Variants in URB1 observed in about 807,000 individuals in gnomAD.
URB1 encodes the protein URB1 ribosome biogenesis factor, also known as nucleolar pre-ribosomal-associated protein 1.
Under a neutral mutation model 242.3 loss-of-function variants are expected in URB1, and 197 were observed. That is an observed-to-expected ratio of 0.81 (90% CI 0.72 to 0.91). URB1 has a LOEUF of 0.91. Among genes scored for constraint, URB1 ranks in the 40% least tolerant of loss-of-function variants. URB1 has a pLI of 0.00. For missense variants in URB1, 2,721 were observed against 2,860.5 expected (o/e 0.95, Z 1.11); for synonymous variants, 1,153 against 1,201.8 (o/e 0.96, Z 0.84).
chr21:32,350,463 G>C (rs1284997948), intron 20 of URB1, among the ~76,000 whole-genome samples: 1 of 152,236 alleles, frequency 6.6e-6, no homozygotes, highest in Non-Finnish European at 1.5e-5. Context: ...TTCTACTGTA[G>C]GAAGGGCTCT....
chr21:32,368,562 A>G lies in URB1; in HGVS notation c.1038T>C (p.Gly346=). Residue 346 remains glycine (G), a synonymous_variant, in exon 9 of 39, where the codon GGT becomes GGC. Coordinates refer to ENST00000382751, the MANE Select transcript of URB1 (RefSeq NM_014825.3). The part of the protein sequence containing the change: ...GNLTLLHFLL[G]LKTAADDDLV... ...GATCATCATCAGCTGCAGTTTTCAA[A>G]CCCAGCAAGAAGTGCAAGAGTGTCA... The G allele has an allele frequency of 6.4e-7, 1 of 1,551,648 alleles. No homozygotes were observed. Among genetic ancestry groups the G allele is most frequent in the Middle Eastern group, 1.7e-4 (1 of 5,986 alleles).
At chr21:32,388,194 C>T (rs2033602939) in intron 1 of URB1, among the ~76,000 whole-genome samples, 1 of 152,220 alleles carries the variant, frequency 6.6e-6, no homozygotes, top group Non-Finnish European at 1.5e-5. Flanking sequence ...TTACTAGCTG[C>T]ATGGTACTCA....
At chr21:32,330,489 GAAA>G (rs60513867) in intron 30 of URB1, among the ~76,000 whole-genome samples, 1 of 136,946 alleles carries the variant, frequency 7.3e-6, no homozygotes, top group African/African-American at 2.8e-5. Flanking sequence ...CAGACCAAGG[GAAA>G]AAAAAAAAAA....
intron 26 of URB1, 52 bp downstream of exon 26, chr21:32,338,655 A>G: frequency 1.3e-6 from 2 of 1,542,916 alleles, no homozygotes; most frequent in Non-Finnish European, 1.8e-6. Context: ...GTGTAAGGAA[A>G]TCAGGAGATA....
rs756626440 is a variant in URB1, at chr21:32,337,392, TCAC to T, written c.4621+9_4621+11del. On this transcript the variant is annotated intron_variant, in intron 27 of 38. Transcript: ENST00000382751. ...TCCCCCTGCTCACACTACCCAGCCC[TCAC>T]ACCCTCACCTAGGACGCTGAGAGTG... The T allele has an allele frequency of 6.0e-5, 93 of 1,546,372 alleles. 2 individuals are homozygous for T. The South Asian group carries it at 1.1e-3, about 18-fold the overall frequency.
rs1261609730 is a variant in URB1, at chr21:32,368,665, T to C, written c.1002-67A>G. 9 of 1,364,272 alleles carry C rather than the reference T, an allele frequency of 6.6e-6. No individual in the cohort carries two copies. The East Asian group carries it at 2.3e-4, about 34-fold the overall frequency. The allele number at this position is 1,364,272 out of a possible 1,614,324, so 84.5% of individuals were successfully genotyped here. On this transcript the variant is annotated intron_variant, in intron 8 of 38. Transcript: ENST00000382751. ...GTCAAAGCACCCTGAGAGCTCATGGTGACGTGCAGCTCTGCAGAATTGCCC... is the reference window on the plus strand; with the variant it reads ...GTCAAAGCACCCTGAGAGCTCATGGCGACGTGCAGCTCTGCAGAATTGCCC...
chr21:32,314,915 G>A lies in URB1; in HGVS notation c.*3C>T, dbSNP rs1458141686. On this transcript the variant is annotated 3_prime_UTR_variant, in exon 39 of 39. Transcript: ENST00000382751. ...CAGGGTGCAAGGTGCTGGCCGGCAG[G>A]AGTCAAGCATCTGAGGCTGCGCTGG... 1.9e-6 allele frequency: 3 copies of A among 1,549,264 alleles called. No homozygotes were observed. The highest frequency in any genetic ancestry group is 2.7e-5 in the African/African-American group (2 of 73,132).
Position 32,341,520 on chromosome 21 carries a change from G to A in URB1, c.4262C>T (p.Ala1421Val), listed in dbSNP as rs893288685. 6.4e-7 allele frequency: 1 copy of A among 1,551,326 alleles called. No individual in the cohort carries two copies. Among genetic ancestry groups the A allele is most frequent in the Middle Eastern group, 1.7e-4 (1 of 5,990 alleles). Residue 1421 changes from alanine to valine, a missense_variant, in exon 25 of 39, where the codon GCA becomes GTA. Coordinates refer to ENST00000382751, the MANE Select transcript of URB1 (RefSeq NM_014825.3). ...GTCACCAGGATCAACTTCATTAAGT[G>A]CATGCTATGAATAAAATAAGTAAGA... is the stretch of plus-strand genomic sequence containing the variant. The part of the protein sequence containing the change: ...MLLRLNALLH[A>V]LNEVDPGDWQ...
intron 8 of URB1, among the ~76,000 whole-genome samples, chr21:32,371,895 G>T (rs1166723343): frequency 2.0e-5 from 3 of 151,900 alleles, no homozygotes; most frequent in Non-Finnish European, 4.4e-5. Context: ...AAAACCAGTA[G>T]ATTTGAACTT....
Position 32,311,732 on chromosome 21 carries a change from C to CTTGA in URB1, c.*3185_*3186insTCAA. 6.2e-7 allele frequency: 1 copy of CTTGA among 1,614,098 alleles called. No individual in the cohort carries two copies. Among genetic ancestry groups the CTTGA allele is most frequent in the Non-Finnish European group, 8.5e-7 (1 of 1,179,992 alleles). On this transcript the variant is annotated 3_prime_UTR_variant, in exon 39 of 39. Coordinates refer to ENST00000382751, the MANE Select transcript of URB1 (RefSeq NM_014825.3). ...CATGCCCCTGGAGTCACGGCCTCAACCTCCACCTCTGCATCCAGAAGTGCC... is the reference window on the plus strand; with the variant it reads ...CATGCCCCTGGAGTCACGGCCTCAACTTGACTCCACCTCTGCATCCAGAAGTGCC...
chr21:32,345,472 C>A lies in URB1; in HGVS notation c.3972G>T (p.Glu1324Asp). ...CAAACGGGACCAGCTGTGCCAGGATCTCCTGGTACAGCCCAGATGCTGGGG... is the reference window on the plus strand; with the variant it reads ...CAAACGGGACCAGCTGTGCCAGGATATCCTGGTACAGCCCAGATGCTGGGG... ...DSPPASGLYQ[E>D]ILAQLVPFAR... is the part of the protein sequence containing the mutation. Residue 1324 changes from glutamate to aspartate, a missense_variant, in exon 23 of 39, where the codon GAG becomes GAT. By Grantham distance (45) the Glu-to-Asp change is conservative. Transcript: ENST00000382751. 1 of 1,551,642 alleles carries A rather than the reference C, an allele frequency of 6.4e-7. No homozygotes were observed. Among genetic ancestry groups the A allele is most frequent in the Non-Finnish European group, 8.7e-7 (1 of 1,146,970 alleles).
At chr21:32,361,197 A>AAGACAGAC in intron 12 of URB1, 74 bp from the exon 13 acceptor site, 2 of 901,610 alleles carry the variant, frequency 2.2e-6, no homozygotes, top group Non-Finnish European at 3.2e-6. Context: ...GAAAGAAAGA[A>AAGACAGAC]AGAAAGAAAA....
At position 32,325,242 on chromosome 21, in the gene URB1, T is replaced by C. The variant is rs1254894621; in HGVS notation, c.5108A>G (p.Gln1703Arg). ...CTTCCTACTTACCTGGGACTGCTCT[T>C]GGAACCGTGCGCCCTCCAAGTGCGA... Reference protein sequence around the residue: ...YYSHLEGARFQEQSQLLYLLD... With the variant: ...YYSHLEGARFREQSQLLYLLD... The change falls in exon 31 of 39, where the codon CAA becomes CGA. Residue 1703 changes from glutamine to arginine, a missense_variant. Gln to Arg is a conservative substitution (Grantham distance 43, BLOSUM62 1). Transcript: ENST00000382751. 6.4e-7 allele frequency: 1 copy of C among 1,551,248 alleles called. No individual in the cohort carries two copies. The highest frequency in any genetic ancestry group is 8.7e-7 in the Non-Finnish European group (1 of 1,146,616).
intron 31 of URB1, 139 bp downstream of exon 31, chr21:32,325,090 G>C (rs570077129): frequency 1.2e-5 from 13 of 1,119,238 alleles, no homozygotes; most frequent in South Asian, 5.5e-5. Context: ...ACAGACTTTT[G>C]CTCTTCAGCA....
chr21:32,364,065 G>A (rs537597410), intron 10 of URB1, among the ~76,000 whole-genome samples: 1 of 151,874 alleles, frequency 6.6e-6, no homozygotes, highest in Non-Finnish European at 1.5e-5. Flanking sequence ...AAATGCATCA[G>A]GTACTTTAGT....
At chr21:32,345,165 T>C (rs1347371642) in intron 23 of URB1, among the ~76,000 whole-genome samples, 1 of 152,054 alleles carries the variant, frequency 6.6e-6, no homozygotes. Flanking sequence ...CTGAGATCCA[T>C]GGCTCTCAGG....
In URB1 at chr21:32,378,514, C is replaced by G. The variant is rs529540678; in HGVS notation, c.595G>C (p.Val199Leu). ...KGVYDVRQAY[V>L]QFALSFLIAG... ...ATTAAAAAGGAGAGAGCAAACTGAACGTAGGCCTGCCGAACGTCGTACACT... is the reference window on the plus strand; with the variant it reads ...ATTAAAAAGGAGAGAGCAAACTGAAGGTAGGCCTGCCGAACGTCGTACACT... The change falls in exon 5 of 39, where the codon GTT becomes CTT. Residue 199 changes from valine to leucine, a missense_variant. Physicochemically the swap from Val to Leu is conservative, Grantham distance 32. Transcript: ENST00000382751. The G allele has an allele frequency of 9.0e-6, 14 of 1,551,680 alleles. No individual in the cohort carries two copies. Among genetic ancestry groups the G allele is most frequent in the Non-Finnish European group, 1.2e-5 (14 of 1,146,992 alleles).
chr21:32,380,255 C>T (rs2033508671), intron 4 of URB1, among the ~76,000 whole-genome samples: 1 of 152,150 alleles, frequency 6.6e-6, no homozygotes. Flanking sequence ...CTATCCAACC[C>T]ATGCTCCCTA....
chr21:32,334,053 TCTTA>T (rs1457741444), intron 29 of URB1, 106 bp downstream of exon 29: 10 of 1,318,150 alleles, frequency 7.6e-6, no homozygotes, highest in South Asian at 1.5e-5. Context: ...ATGATAAGAT[TCTTA>T]CTTAATAAAA....
Sources: gnomAD v4.1 joint callset for allele counts (sites outside exome capture counted in the v4.1 genomes callset) on GRCh38, gnomAD v4.1.1 for gene constraint, MANE v1.5 for transcripts, NCBI Gene and HGNC (gene_info 2026-07-23, HGNC 2026-07-21) for gene names.